Variants in SYT1 observed in about 807,000 individuals in gnomAD.
SYT1 encodes synaptotagmin-1.
A neutral mutation model predicts 44.8 loss-of-function variants in SYT1; 8 were observed. The observed-to-expected ratio is 0.18, with a 90% confidence interval of 0.10 to 0.32. The LOEUF is 0.32. SYT1 is among the 10% of genes least tolerant of loss of function. The pLI, the probability that SYT1 is intolerant of heterozygous loss-of-function variation, is 1.00. For synonymous variants in SYT1, 154 were observed against 188.8 expected (o/e 0.82, Z 1.51); for missense variants, 286 against 509.3 (o/e 0.56, Z 4.22).
chr12:79,221,235 T>C (rs1012693843), intron 4 of SYT1, among the ~76,000 whole-genome samples: 1 of 152,288 alleles, frequency 6.6e-6, no homozygotes, highest in Non-Finnish European at 1.5e-5. Context: ...GATACACATA[T>C]ATAGTTATTC....
At chr12:79,332,250 A>G (rs1436440726) in intron 8 of SYT1, among the ~76,000 whole-genome samples, 1 of 152,226 alleles carries the variant, frequency 6.6e-6, no homozygotes, top group Non-Finnish European at 1.5e-5. Context: ...ACATTTGCAG[A>G]TAAACTATAT....
chr12:78,958,487 G>T (rs921755657), intron 1 of SYT1, among the ~76,000 whole-genome samples: 3 of 152,032 alleles, frequency 2.0e-5, no homozygotes, highest in African/African-American at 7.2e-5. Context: ...CTGAGGTCAA[G>T]AGTTGGAGAC....
intron 8 of SYT1, among the ~76,000 whole-genome samples, chr12:79,328,885 A>C (rs944530229): frequency 6.6e-6 from 1 of 151,924 alleles, no homozygotes; most frequent in Non-Finnish European, 1.5e-5. Flanking sequence ...AAATCATAAA[A>C]CCATGTTTTT....
chr12:79,097,097 G>A (rs1049626052), intron 3 of SYT1, among the ~76,000 whole-genome samples: 10 of 151,952 alleles, frequency 6.6e-5, no homozygotes, highest in African/African-American at 2.2e-4. Context: ...TTGCATGTAA[G>A]GGGGCTTCGA....
At chr12:78,993,565 A>G (rs541004246) in intron 2 of SYT1, among the ~76,000 whole-genome samples, 3 of 152,360 alleles carry the variant, frequency 2.0e-5, no homozygotes, top group East Asian at 3.9e-4. Context: ...GCACATCCAT[A>G]GAATCTTTCT....
intron 3 of SYT1, among the ~76,000 whole-genome samples, chr12:79,094,363 A>G (rs985079736): frequency 2.0e-5 from 3 of 151,844 alleles, no homozygotes; most frequent in Non-Finnish European, 4.4e-5. Context: ...TGAGTTTGTT[A>G]CCATATTTCT....
chr12:79,078,437 A>G (rs1196041568), intron 3 of SYT1, among the ~76,000 whole-genome samples: 1 of 152,208 alleles, frequency 6.6e-6, no homozygotes, highest in Non-Finnish European at 1.5e-5. Flanking sequence ...TAATAAAATA[A>G]TTACTTAATA....
chr12:78,944,949 T>C (rs1368471058), intron 1 of SYT1, among the ~76,000 whole-genome samples: 1 of 152,198 alleles, frequency 6.6e-6, no homozygotes, highest in African/African-American at 2.4e-5. Context: ...CATTTGATAC[T>C]TAAATTTCCT....
chr12:79,409,770 G>A (rs1868347119), intron 9 of SYT1, among the ~76,000 whole-genome samples: 1 of 152,038 alleles, frequency 6.6e-6, no homozygotes, highest in Non-Finnish European at 1.5e-5. Flanking sequence ...TTCCTAATAT[G>A]GTAGTAGGAG....
chr12:79,041,669 G>A (rs954443577), intron 2 of SYT1, among the ~76,000 whole-genome samples: 1 of 152,030 alleles, frequency 6.6e-6, no homozygotes, highest in Non-Finnish European at 1.5e-5. Flanking sequence ...ATGTTGAATA[G>A]GAGTGGTGAG....
At chr12:79,287,366 T>G (rs866836619) in intron 5 of SYT1, among the ~76,000 whole-genome samples, 1 of 152,180 alleles carries the variant, frequency 6.6e-6, no homozygotes, top group African/African-American at 2.4e-5. Flanking sequence ...TCTCTTCAGT[T>G]AATTTAAGTA....
At chr12:79,205,362 C>A (rs1874058363) in intron 3 of SYT1, among the ~76,000 whole-genome samples, 1 of 152,120 alleles carries the variant, frequency 6.6e-6, no homozygotes, top group South Asian at 2.1e-4. Flanking sequence ...ACCTGCCATT[C>A]CTACTAAAAT....
chr12:79,335,865 T>C lies in SYT1; in HGVS notation c.811-17637T>C, dbSNP rs58301981. Among the ~76,000 whole-genome samples, 1,011 of 152,332 alleles carry C rather than the reference T, an allele frequency of 6.6e-3. 9 individuals are homozygous for C. Among genetic ancestry groups the C allele is most frequent in the African/African-American group, 0.023 (959 of 41,584 alleles). On this transcript the variant is annotated intron_variant, in intron 8 of 10. Coordinates refer to ENST00000261205, the MANE Select transcript of SYT1 (RefSeq NM_005639.3). ...GTTTCTGTTCTGGATTAAAAGCAGC[T>C]GGAAAGTAGAATGCCCATGTTCACC...
At chr12:79,230,679 T>G (rs551724364) in intron 4 of SYT1, among the ~76,000 whole-genome samples, 1 of 152,310 alleles carries the variant, frequency 6.6e-6, no homozygotes, top group East Asian at 1.9e-4. Context: ...CTCCTTGGAT[T>G]TTGTTTTATA....
chr12:78,866,591 T>C (rs1313961536), intron 1 of SYT1, among the ~76,000 whole-genome samples: 1 of 152,156 alleles, frequency 6.6e-6, no homozygotes, highest in Non-Finnish European at 1.5e-5. Flanking sequence ...AGCTTTCTTT[T>C]CTTATTATTC....
At chr12:79,437,100 G>C (rs1705592006) in intron 9 of SYT1, among the ~76,000 whole-genome samples, 1 of 152,148 alleles carries the variant, frequency 6.6e-6, no homozygotes, top group South Asian at 2.1e-4. Context: ...TTCTCCATGA[G>C]GAATAGTAAG....
At chr12:78,985,037 C>T (rs1346255430) in intron 2 of SYT1, among the ~76,000 whole-genome samples, 1 of 151,818 alleles carries the variant, frequency 6.6e-6, no homozygotes, top group Non-Finnish European at 1.5e-5. Context: ...TTACAAGACA[C>T]ATTGTATACC....
rs1870997480 is a variant in SYT1, at chr12:79,450,525, C to CTAT, written c.*1405_*1407dup. The CTAT allele has an allele frequency of 6.6e-6, 1 of 152,518 alleles. No homozygotes were observed. Among genetic ancestry groups the CTAT allele is most frequent in the Admixed American group, 6.6e-5 (1 of 15,250 alleles). 9.4% of individuals were successfully genotyped at this position (152,518 alleles called of 1,614,324 possible). A position where few individuals can be genotyped will look rare whatever the true frequency, so the allele number is the denominator to read the frequency against. ...CAATGTTATTATGTAGTAAATGACA[C>CTAT]TATTATGAAGCTACTAGTCATTCCA... On this transcript the variant is annotated 3_prime_UTR_variant, in exon 11 of 11. Transcript: ENST00000261205.
chr12:78,983,284 T>C (rs1157923213), intron 2 of SYT1, among the ~76,000 whole-genome samples: 3 of 152,090 alleles, frequency 2.0e-5, no homozygotes, highest in African/African-American at 4.8e-5. Flanking sequence ...ATTTGATCCG[T>C]ATAGCCAGAT....
Sources: gnomAD v4.1 joint callset for allele counts (sites outside exome capture counted in the v4.1 genomes callset) on GRCh38, gnomAD v4.1.1 for gene constraint, MANE v1.5 for transcripts, NCBI Gene and HGNC (gene_info 2026-07-23, HGNC 2026-07-21) for gene names.